The following TDP1 variants were observed in gnomAD, a reference collection of about 807,000 sequenced individuals.
The protein encoded by TDP1 is tyrosyl-DNA phosphodiesterase 1.
TDP1 carries 64 observed loss-of-function variants against 81.5 expected under a neutral mutation model. The observed-to-expected ratio is 0.79, with a 90% CI of 0.64 to 0.97. TDP1 has a LOEUF of 0.97. Among genes scored for constraint, TDP1 ranks in the 50% least tolerant of loss-of-function variants. The pLI is 0.00. For synonymous variants in TDP1, 256 were observed against 264.3 expected, an observed-to-expected ratio of 0.97 and a Z score of 0.30; for missense variants, 723 against 743.8, an observed-to-expected ratio of 0.97 and a Z score of 0.33.
At chr14:89,966,548 G>A (rs1892969608) in intron 4 of TDP1, among the ~76,000 whole-genome samples, 1 of 152,196 alleles carries the variant, frequency 6.6e-6, no homozygotes, top group Non-Finnish European at 1.5e-5. Flanking sequence ...GGATAGAGTG[G>A]TGAAGGCCAA....
Position 89,963,581 on chromosome 14 carries a change from A to C in TDP1, c.467A>C (p.Asp156Ala). Reference protein sequence around the residue: ...ETSGEGQDIWDMLDKGNPFQF... With the variant: ...ETSGEGQDIWAMLDKGNPFQF... ...TCAGGGGAGGGCCAGGACATTTGGG[A>C]CATGCTGGATAAAGGGAACCCCTTC... Residue 156 changes from aspartate (D) to alanine (A), a missense_variant, in exon 3 of 17, where the codon GAC (aspartate) becomes GCC (alanine). Asp to Ala is a moderately radical substitution (Grantham distance 126). Coordinates refer to ENST00000335725, the MANE Select transcript of TDP1 (RefSeq NM_018319.4). 1 of 1,613,998 alleles carries C rather than the reference A, an allele frequency of 6.2e-7. No individual in the cohort carries two copies. The highest frequency in any genetic ancestry group is 8.5e-7 in the Non-Finnish European group (1 of 1,179,916).
At chr14:89,993,008 CATAA>C in intron 13 of TDP1, 1 of 920,064 alleles carries the variant, frequency 1.1e-6, no homozygotes, top group Non-Finnish European at 1.3e-6. Flanking sequence ...AGCCTCTACT[CATAA>C]CACACCGTGG....
chr14:90,043,016 G>T (rs1011823388), intron 16 of TDP1, 54 bp from the exon 17 acceptor site: 17 of 1,613,442 alleles, frequency 1.1e-5, no homozygotes, highest in Admixed American at 1.7e-5. Context: ...TCAGGTGAGT[G>T]CATTTTCTAC....
chr14:89,969,331 C>T (rs1048086085), intron 5 of TDP1, among the ~76,000 whole-genome samples: 2 of 152,108 alleles, frequency 1.3e-5, no homozygotes, highest in Admixed American at 6.5e-5. Context: ...CTATTACGAG[C>T]CTTAGAAGGA....
Position 89,971,097 on chromosome 14 carries a change from A to G in TDP1, c.660-78A>G. On this transcript the variant is annotated intron_variant, in intron 5 of 16. Transcript: ENST00000335725. ...GTAGTCCACCTGCCTCGGCCTCCCA[A>G]GGTGCCGGGATTACAGGTGTGAGCC... is the stretch of plus-strand genomic sequence containing the variant. 3.1e-6 allele frequency: 4 copies of G among 1,296,848 alleles called. No homozygotes were observed. The South Asian group carries it at 3.6e-5, about 12-fold the overall frequency. The allele number at this position is 1,296,848 out of a possible 1,614,324, so 80.3% of individuals were successfully genotyped here. A position where few individuals can be genotyped will look rare whatever the true frequency, so the allele number is the denominator to read the frequency against.
At chr14:89,994,367 T>G (rs906907741) in intron 14 of TDP1, among the ~76,000 whole-genome samples, 1 of 152,188 alleles carries the variant, frequency 6.6e-6, no homozygotes, top group Non-Finnish European at 1.5e-5. Context: ...GCTTGGAGAT[T>G]TAGTAAGACT....
intron 1 of TDP1, 68 bp downstream of exon 1, chr14:89,956,038 T>G (rs28736874): frequency 0.12 from 17,636 of 152,990 alleles, 1,341 homozygotes; most frequent in South Asian, 0.22. Context: ...GGGCCCGGGA[T>G]CCTGCTCCTG....
intron 7 of TDP1, among the ~76,000 whole-genome samples, chr14:89,978,010 G>T (rs1387145720): frequency 1.3e-5 from 2 of 152,228 alleles, no homozygotes; most frequent in East Asian, 1.9e-4. Context: ...GCAGCTGAAT[G>T]TCAAATATCC....
chr14:89,957,865 G>T, intron 2 of TDP1, among the ~76,000 whole-genome samples: 1 of 152,234 alleles, frequency 6.6e-6, no homozygotes, highest in South Asian at 2.1e-4. Context: ...CGCTTTGCCA[G>T]CTGGAGACCT....
intron 15 of TDP1, among the ~76,000 whole-genome samples, chr14:90,026,240 C>T (rs1328771651): frequency 2.0e-5 from 3 of 152,244 alleles, no homozygotes; most frequent in African/African-American, 7.2e-5. Flanking sequence ...TTGTCTTCTT[C>T]CTCCTGACAC....
At chr14:90,023,008 T>TA in intron 15 of TDP1, 2 of 759,772 alleles carry the variant, frequency 2.6e-6, no homozygotes. Context: ...GTCCCACACA[T>TA]ACCCTGTGCC....
intron 14 of TDP1, among the ~76,000 whole-genome samples, chr14:90,013,501 C>T (rs1365419436): frequency 1.3e-5 from 2 of 152,174 alleles, no homozygotes; most frequent in African/African-American, 4.8e-5. Flanking sequence ...TGCCTTTGCT[C>T]CTCCTTTGCC....
At position 89,985,205 on chromosome 14, in the gene TDP1, A is replaced by T; in HGVS notation, c.1126A>T (p.Lys376Ter). The stretch of plus-strand genomic sequence containing the variant: ...AGATAATTGGGGACATTTTAGACTT[A>T]AGAAGGTAACAGAACTTTTACTATT... Reference protein sequence around the residue: ...QKDNWGHFRLKKLLKDHASSM... With the variant: ...QKDNWGHFRL The change falls in exon 10 of 17, where the codon AAG becomes TAG. Residue 376 changes from lysine to a stop codon, truncating the protein, a stop_gained. Coordinates refer to ENST00000335725, the MANE Select transcript of TDP1 (RefSeq NM_018319.4). LOFTEE classifies it high-confidence loss of function. 1 of 1,600,340 alleles carries T rather than the reference A, an allele frequency of 6.2e-7. No individual in the cohort carries two copies. The highest frequency in any genetic ancestry group is 8.5e-7 in the Non-Finnish European group (1 of 1,169,996).
intron 15 of TDP1, among the ~76,000 whole-genome samples, chr14:90,030,839 C>T (rs1887196700): frequency 6.6e-6 from 1 of 151,496 alleles, no homozygotes; most frequent in Non-Finnish European, 1.5e-5. Flanking sequence ...GATTTTGGCT[C>T]ACTGCAACCT....
chr14:89,959,942 A>G (rs1596489866), intron 2 of TDP1, among the ~76,000 whole-genome samples: 1 of 152,310 alleles, frequency 6.6e-6, no homozygotes, highest in East Asian at 1.9e-4. Flanking sequence ...ACTGCTTCTG[A>G]GAGTGGAAGC....
At chr14:89,978,555 C>G (rs1894614371) in intron 7 of TDP1, among the ~76,000 whole-genome samples, 2 of 152,316 alleles carry the variant, frequency 1.3e-5, no homozygotes, top group South Asian at 4.1e-4. Flanking sequence ...AGATCTCATT[C>G]CTCACCCTTT....
intron 14 of TDP1, among the ~76,000 whole-genome samples, chr14:90,005,468 A>T (rs991574878): frequency 3.9e-5 from 6 of 152,240 alleles, no homozygotes; most frequent in African/African-American, 1.4e-4. Context: ...TAACAACCAT[A>T]TCATAGTTCT....
At chr14:89,975,579 G>GTTT in intron 6 of TDP1, 13 of 361,570 alleles carry the variant, frequency 3.6e-5, no homozygotes, top group Non-Finnish European at 4.2e-5. Context: ...AACAAAATTT[G>GTTT]TGTTTTTTTT....
chr14:89,957,995 C>T (rs916146961), intron 2 of TDP1, among the ~76,000 whole-genome samples: 6 of 152,096 alleles, frequency 3.9e-5, no homozygotes, highest in South Asian at 2.1e-4. Flanking sequence ...CGCGAGGAGT[C>T]GGTTTGTGAG....
Sources: allele counts gnomAD v4.1 joint callset (sites outside exome capture counted in the v4.1 genomes callset), GRCh38; gene constraint gnomAD v4.1.1; transcripts MANE v1.5; gene names NCBI Gene and HGNC (gene_info 2026-07-23, HGNC 2026-07-21).